The following MBD5 variants were observed in gnomAD, a reference collection of about 807,000 sequenced individuals.
MBD5 encodes methyl-CpG binding domain protein 5, also known as methyl-CpG-binding domain protein 5.
In MBD5, 13 loss-of-function variants were observed where a neutral mutation model predicts 117.3. The observed-to-expected ratio is 0.11, with a 90% CI of 0.07 to 0.18. The LOEUF (loss-of-function observed/expected upper bound fraction) is 0.18, where lower values mean the gene tolerates loss of function less well. MBD5 is among the 10% of genes least tolerant of loss of function. The pLI is 1.00. For synonymous variants in MBD5, 727 were observed against 766.4 expected (o/e 0.95, Z 0.85); for missense variants, 1,879 against 2,093.8 (o/e 0.90, Z 2.00).
chr2:148,476,530 A>G (rs1201222113), intron 8 of MBD5, among the ~76,000 whole-genome samples: 1 of 152,188 alleles, frequency 6.6e-6, no homozygotes, highest in African/African-American at 2.4e-5. Context: ...TAGCACTCAC[A>G]TATATAAGCT....
intron 4 of MBD5, among the ~76,000 whole-genome samples, chr2:148,361,206 C>G (rs145148936): frequency 5.7e-4 from 87 of 152,150 alleles, no homozygotes; most frequent in Non-Finnish European, 9.1e-4. Flanking sequence ...AAAAATTAGC[C>G]AGGTGAGGTG....
chr2:148,204,403 A>G (rs190131803), intron 2 of MBD5, among the ~76,000 whole-genome samples: 189 of 152,216 alleles, frequency 1.2e-3, no homozygotes, highest in African/African-American at 4.3e-3. Context: ...AAAGAAAACC[A>G]AAAGAGTAGA....
intron 1 of MBD5, among the ~76,000 whole-genome samples, chr2:148,062,740 T>C (rs564695067): frequency 4.6e-5 from 7 of 152,230 alleles, no homozygotes; most frequent in African/African-American, 1.7e-4. Context: ...TCTCTTTTCT[T>C]TGCCAACATA....
chr2:148,147,401 C>A (rs1697495219), intron 1 of MBD5, among the ~76,000 whole-genome samples: 1 of 150,846 alleles, frequency 6.6e-6, no homozygotes, highest in East Asian at 1.9e-4. Context: ...ACCACCCCAC[C>A]CTGCTAATTT....
Position 148,489,861 on chromosome 2 carries a change from A to G in MBD5, c.4229A>G (p.Asn1410Ser), listed in dbSNP as rs1413458459. ...PKNLDHGKNV[N>S]EGDGFEYFKS... ...AATCTAGACCATGGGAAAAATGTGA[A>G]CGAAGGAGATGGGTTTGAATATTTC... is the stretch of plus-strand genomic sequence containing the variant. The change falls in exon 11 of 14, where the codon AAC (asparagine) becomes AGC (serine). Residue 1410 changes from asparagine (N) to serine (S), a missense_variant. By Grantham distance (46) the Asn-to-Ser change is conservative. Around this residue, in one of 4 missense-constraint regions of MBD5, gnomAD observed 1,666 missense variants for 1,792.2 expected, o/e 0.93. Coordinates refer to ENST00000642680, the MANE Select transcript of MBD5 (RefSeq NM_001378120.1). 1.2e-6 allele frequency: 2 copies of G among 1,614,176 alleles called. No homozygotes were observed. The highest frequency in any genetic ancestry group is 2.2e-5 in the South Asian group (2 of 91,078).
chr2:148,430,453 A>C (rs1390294246), intron 4 of MBD5, among the ~76,000 whole-genome samples: 1 of 152,098 alleles, frequency 6.6e-6, no homozygotes, highest in African/African-American at 2.4e-5. Flanking sequence ...AATTCCTATA[A>C]ATTTATGTCA....
intron 2 of MBD5, among the ~76,000 whole-genome samples, chr2:148,222,151 G>T (rs1002727647): frequency 6.6e-6 from 1 of 152,052 alleles, no homozygotes; most frequent in African/African-American, 2.4e-5. Context: ...ATGCTGTTTT[G>T]ATTACTATAG....
intron 1 of MBD5, among the ~76,000 whole-genome samples, chr2:148,114,198 G>T (rs1282547168): frequency 6.6e-6 from 1 of 152,142 alleles, no homozygotes; most frequent in Non-Finnish European, 1.5e-5. Context: ...GGCCAGGCAT[G>T]GTGGCTCACA....
Position 148,489,798 on chromosome 2 carries a change from G to A in MBD5, c.4166G>A (p.Gly1389Asp). Reference protein sequence around the residue: ...GRNMGGVDHDGRLRNSRGARL... With the variant: ...GRNMGGVDHDDRLRNSRGARL... ...AACATGGGAGGTGTTGATCATGATG[G>A]TAGGCTGAGGAATTCAAGAGGGGCT... The change falls in exon 11 of 14, where the codon GGT (glycine) becomes GAT (aspartate). Residue 1389 changes from glycine to aspartate, a missense_variant. By Grantham distance (94) the Gly-to-Asp change is moderately conservative. Coordinates refer to ENST00000642680, the MANE Select transcript of MBD5 (RefSeq NM_001378120.1). The A allele has an allele frequency of 6.2e-7, 1 of 1,614,138 alleles. No homozygotes were observed. The highest frequency in any genetic ancestry group is 8.5e-7 in the Non-Finnish European group (1 of 1,180,036).
In MBD5 at chr2:148,120,791, T is replaced by C. The variant is rs1235442241; in HGVS notation, c.-924-57909T>C. The stretch of plus-strand genomic sequence containing the variant: ...TCTATTTCTTTTTCTTGCCTAATTT[T>C]CTTGTCTGGAAACTCCAGTACAATG... On this transcript the variant is annotated intron_variant, in intron 1 of 13. Transcript: ENST00000642680. Among the ~76,000 whole-genome samples the C allele has an allele frequency of 2.0e-5, 3 of 152,208 alleles. No homozygotes were observed. In the South Asian group the frequency reaches 6.2e-4, roughly 31 times the overall value.
chr2:148,468,779 T>C lies in MBD5; in HGVS notation c.836T>C (p.Met279Thr), dbSNP rs555328649. The change falls in exon 8 of 14, where the codon ATG becomes ACG. Residue 279 changes from methionine to threonine, a missense_variant. By Grantham distance (81) the Met-to-Thr change is moderately conservative. Transcript: ENST00000642680. ...NRTPLSPPSV[M>T]LHGSPVQSSC... The stretch of plus-strand genomic sequence containing the variant: ...ACTCCTCTTTCTCCACCTTCAGTAA[T>C]GCTACATGGTTCTCCTGTACAGTCA... 3.1e-6 allele frequency: 5 copies of C among 1,613,828 alleles called. No individual in the cohort carries two copies. Among genetic ancestry groups the C allele is most frequent in the Non-Finnish European group, 4.2e-6 (5 of 1,179,892 alleles).
At chr2:148,477,504 A>G in intron 8 of MBD5, among the ~76,000 whole-genome samples, 1 of 152,296 alleles carries the variant, frequency 6.6e-6, no homozygotes, top group South Asian at 2.1e-4. Flanking sequence ...TTTTGTAAAT[A>G]CACATTACCA....
rs551597761 is a variant in MBD5 at position 148,404,606 on chromosome 2, T to C, written c.-556-53597T>C. Among the ~76,000 whole-genome samples, 7 of 152,346 alleles carry C rather than the reference T, an allele frequency of 4.6e-5. No individual in the cohort carries two copies. In the South Asian group the frequency reaches 1.5e-3, roughly 32 times the overall value. On this transcript the variant is annotated intron_variant, in intron 4 of 13. Coordinates refer to ENST00000642680, the MANE Select transcript of MBD5 (RefSeq NM_001378120.1). ...TCCAGCTAGGTTTAAGCTCTTTGCG[T>C]GCAGCCTGGAAACTCTCTCAAGACA...
intron 1 of MBD5, among the ~76,000 whole-genome samples, chr2:148,099,234 G>A (rs1696144988): frequency 6.6e-6 from 1 of 152,102 alleles, no homozygotes; most frequent in South Asian, 2.1e-4. Context: ...TAGTATTGAG[G>A]AATGGAAGTA....
chr2:148,099,341 T>C (rs1696147575), intron 1 of MBD5, among the ~76,000 whole-genome samples: 1 of 152,286 alleles, frequency 6.6e-6, no homozygotes, highest in East Asian at 1.9e-4. Context: ...TCTTATAGAA[T>C]ACTTTTGTCA....
chr2:148,441,949 T>G (rs112543294), intron 4 of MBD5, among the ~76,000 whole-genome samples: 39,212 of 151,844 alleles, frequency 0.26, 6,063 homozygotes, highest in African/African-American at 0.43. Flanking sequence ...TTGTTAATAG[T>G]GTTGTTTGTT....
chr2:148,232,169 C>T (rs151295418), intron 2 of MBD5, among the ~76,000 whole-genome samples: 183 of 152,238 alleles, frequency 1.2e-3, no homozygotes, highest in African/African-American at 4.1e-3. Context: ...ACATGAAGGC[C>T]ACTAAGGCTA....
intron 3 of MBD5, among the ~76,000 whole-genome samples, chr2:148,277,404 A>G (rs975890549): frequency 6.6e-5 from 10 of 152,180 alleles, no homozygotes; most frequent in Non-Finnish European, 1.2e-4. Context: ...AATATATATT[A>G]TGCATATAAT....
intron 3 of MBD5, among the ~76,000 whole-genome samples, chr2:148,237,277 G>A (rs536646393): frequency 4.9e-4 from 75 of 152,230 alleles, no homozygotes; most frequent in African/African-American, 1.7e-3. Flanking sequence ...TTGGCTAACT[G>A]TTGGGCGCAA....
Sources: gnomAD v4.1 joint callset for allele counts (sites outside exome capture counted in the v4.1 genomes callset) on GRCh38, gnomAD v4.1.1 for gene constraint, gnomAD v4.1.1 regional missense constraint, MANE v1.5 for transcripts, NCBI Gene and HGNC (gene_info 2026-07-23, HGNC 2026-07-21) for gene names.